PEPD: variants seen among roughly 807,000 people sequenced by gnomAD.
PEPD encodes the protein peptidase D, also known as xaa-Pro dipeptidase.
PEPD carries 53 observed loss-of-function variants against 60.7 expected under a neutral mutation model. The observed-to-expected ratio is 0.87, with a 90% confidence interval of 0.70 to 1.10. PEPD has a LOEUF of 1.10. Ranked by LOEUF, PEPD falls within the 50% of genes least tolerant of loss-of-function variation. The pLI, the probability that PEPD is intolerant of heterozygous loss-of-function variation, is 0.00. For missense variants in PEPD, 711 were observed against 711.9 expected, an observed-to-expected ratio of 1.00 and a Z score of 0.01; for synonymous variants, 267 against 284.1, an observed-to-expected ratio of 0.94 and a Z score of 0.60.
chr19:33,500,757 C>T (rs1489870857), intron 4 of PEPD, among the ~76,000 whole-genome samples, 181 bp downstream of exon 4: 1 of 152,206 alleles, frequency 6.6e-6, no homozygotes, highest in Non-Finnish European at 1.5e-5. Context: ...CGTAGAGAAG[C>T]CTGAGGCATG....
Position 33,387,037 on chromosome 19 carries a change from A to G in PEPD, c.*307T>C, listed in dbSNP as rs575087787. 6 of 403,654 alleles carry G rather than the reference A, an allele frequency of 1.5e-5. No homozygotes were observed. Among genetic ancestry groups the G allele is most frequent in the Middle Eastern group, 6.7e-4 (1 of 1,496 alleles). The allele number at this position is 403,654 out of a possible 1,614,324, so 25.0% of individuals were successfully genotyped here. ...ATCAGAAATGCTTCTTTCCTGGGAA[A>G]AGGAATATAAATGACAGCAAGACAC... is the stretch of plus-strand genomic sequence containing the variant. On this transcript the variant is annotated 3_prime_UTR_variant, in exon 15 of 15. Transcript: ENST00000244137.
chr19:33,507,476 G>A (rs888870705), intron 3 of PEPD, among the ~76,000 whole-genome samples: 8 of 152,204 alleles, frequency 5.3e-5, no homozygotes, highest in East Asian at 1.9e-4. Context: ...GGCCCCTGGC[G>A]TCTGCAACCC....
chr19:33,491,209 C>A (rs755891102), intron 5 of PEPD, among the ~76,000 whole-genome samples: 1 of 151,958 alleles, frequency 6.6e-6, no homozygotes, highest in Non-Finnish European at 1.5e-5. Context: ...AATCCCAGCA[C>A]TTTGGGAGGC....
intron 13 of PEPD, among the ~76,000 whole-genome samples, chr19:33,389,680 C>A (rs1018191371): frequency 1.3e-5 from 2 of 152,228 alleles, no homozygotes; most frequent in African/African-American, 4.8e-5. Context: ...CCATGGTACA[C>A]GGTTGAGGGG....
At chr19:33,441,695 C>A (rs1436042015) in intron 9 of PEPD, among the ~76,000 whole-genome samples, 11 of 152,192 alleles carry the variant, frequency 7.2e-5, no homozygotes, top group Non-Finnish European at 1.5e-4. Flanking sequence ...CTGGCTGAGG[C>A]CGACCTTGAC....
At chr19:33,403,622 G>A (rs1442439325) in intron 11 of PEPD, among the ~76,000 whole-genome samples, 1 of 152,234 alleles carries the variant, frequency 6.6e-6, no homozygotes. Flanking sequence ...GTGGAGCAAG[G>A]AGCAGGGCCA....
intron 9 of PEPD, among the ~76,000 whole-genome samples, chr19:33,446,455 C>T (rs146922091): frequency 1.3e-5 from 2 of 152,338 alleles, no homozygotes; most frequent in Admixed American, 6.5e-5. Flanking sequence ...CACCCGGGCA[C>T]GTGGACACTC....
intron 9 of PEPD, among the ~76,000 whole-genome samples, chr19:33,427,644 G>A (rs1969179694): frequency 6.6e-6 from 1 of 152,170 alleles, no homozygotes; most frequent in Non-Finnish European, 1.5e-5. Context: ...TTGGATGACA[G>A]GATGATTAAA....
At chr19:33,410,914 C>G (rs1239823729) in intron 11 of PEPD, among the ~76,000 whole-genome samples, 2 of 152,118 alleles carry the variant, frequency 1.3e-5, no homozygotes, top group Non-Finnish European at 2.9e-5. Flanking sequence ...GTGCAGGGCA[C>G]AGGCAAAGAA....
intron 6 of PEPD, among the ~76,000 whole-genome samples, chr19:33,479,408 CT>C (rs879353300): frequency 2.7e-3 from 379 of 141,052 alleles, no homozygotes; most frequent in Middle Eastern, 3.6e-3. Flanking sequence ...CGAATGAATT[CT>C]TTTTTTTTTT....
At chr19:33,445,594 C>CT (rs1286839082) in intron 9 of PEPD, among the ~76,000 whole-genome samples, 1 of 152,180 alleles carries the variant, frequency 6.6e-6, no homozygotes, top group Non-Finnish European at 1.5e-5. Flanking sequence ...AGAGTAGCAG[C>CT]CCTGCCGATG....
intron 1 of PEPD, among the ~76,000 whole-genome samples, chr19:33,515,665 G>A (rs1010920251): frequency 1.3e-5 from 2 of 151,690 alleles, no homozygotes; most frequent in African/African-American, 4.8e-5. Context: ...CAATGACACC[G>A]AGACCCTGCT....
intron 4 of PEPD, among the ~76,000 whole-genome samples, chr19:33,497,337 G>A (rs536008453): frequency 6.6e-6 from 1 of 152,376 alleles, no homozygotes; most frequent in Non-Finnish European, 1.5e-5. Flanking sequence ...GGAAGCAAGT[G>A]CATGGAACGC....
chr19:33,509,957 CCA>C (rs1970889293), intron 3 of PEPD, among the ~76,000 whole-genome samples: 2 of 152,212 alleles, frequency 1.3e-5, no homozygotes, highest in Non-Finnish European at 2.9e-5. Flanking sequence ...TGCGCTGCGT[CCA>C]GAGGAAGGCA....
Position 33,387,905 on chromosome 19 carries a change from A to T in PEPD, c.1329T>A (p.Phe443Leu). 6.3e-7 allele frequency: 1 copy of T among 1,577,722 alleles called. No homozygotes were observed. ...GGGCACTCACCCCGCCAAAACCGCGAAAGCGCTGCAGGACCTCGCGGTTAA... is the reference window on the plus strand; with the variant it reads ...GGGCACTCACCCCGCCAAAACCGCGTAAGCGCTGCAGGACCTCGCGGTTAA... Reference protein sequence around the residue: ...SFLNREVLQRFRGFGGVRIEE... With the variant: ...SFLNREVLQRLRGFGGVRIEE... The change falls in exon 14 of 15, where the codon TTT (phenylalanine) becomes TTA (leucine). Residue 443 changes from phenylalanine to leucine, a missense_variant. Physicochemically the swap from Phe to Leu is conservative, Grantham distance 22 (BLOSUM62 0). Coordinates refer to ENST00000244137, the MANE Select transcript of PEPD (RefSeq NM_000285.4).
chr19:33,389,693 G>A (rs1223284290), intron 13 of PEPD, among the ~76,000 whole-genome samples: 1 of 152,238 alleles, frequency 6.6e-6, no homozygotes, highest in Non-Finnish European at 1.5e-5. Context: ...TTGAGGGGCA[G>A]GTTTGTTTCC....
intron 9 of PEPD, among the ~76,000 whole-genome samples, chr19:33,459,748 A>G (rs1288115857): frequency 6.6e-6 from 1 of 152,048 alleles, no homozygotes; most frequent in Non-Finnish European, 1.5e-5. Context: ...GAGGCTTAGA[A>G]CTGGAGGTCC....
intron 1 of PEPD, among the ~76,000 whole-genome samples, 167 bp downstream of exon 1, chr19:33,521,577 C>T (rs1344227470): frequency 6.6e-6 from 1 of 152,240 alleles, no homozygotes; most frequent in African/African-American, 2.4e-5. Context: ...GACCCTGACT[C>T]GGAGCGTGCA....
intron 9 of PEPD, among the ~76,000 whole-genome samples, chr19:33,440,674 C>G (rs1969465308): frequency 1.3e-5 from 2 of 152,202 alleles, no homozygotes; most frequent in Non-Finnish European, 2.9e-5. Context: ...CAATCACTCC[C>G]AGGACTCCCT....
Sources: gnomAD v4.1 joint callset for allele counts (sites outside exome capture counted in the v4.1 genomes callset) on GRCh38, gnomAD v4.1.1 for gene constraint, MANE v1.5 for transcripts, NCBI Gene and HGNC (gene_info 2026-07-23, HGNC 2026-07-21) for gene names.